ZRANB3: variants seen among roughly 807,000 people sequenced by gnomAD.
ZRANB3 encodes DNA annealing helicase and endonuclease ZRANB3.
A neutral mutation model predicts 133.8 loss-of-function variants in ZRANB3; 125 were observed. The observed-to-expected ratio is 0.93, with a 90% confidence interval of 0.81 to 1.08. ZRANB3 has a LOEUF of 1.08. Among genes scored for constraint, ZRANB3 ranks in the 50% least tolerant of loss-of-function variants. ZRANB3 has a pLI of 0.00. For missense variants in ZRANB3, 1,229 were observed against 1,275.5 expected (o/e 0.96, Z 0.56); for synonymous variants, 387 against 432.7 (o/e 0.89, Z 1.31).
chr2:135,334,368 C>A lies in ZRANB3; in HGVS notation c.677+11182G>T, dbSNP rs1003794160. Among the ~76,000 whole-genome samples, 4 of 152,198 alleles carry A rather than the reference C, an allele frequency of 2.6e-5. No homozygotes were observed. In the East Asian group the frequency reaches 5.8e-4, roughly 22 times the overall value. On this transcript the variant is annotated intron_variant, in intron 6 of 20. Transcript: ENST00000264159. ...GAGGGTTTCTCAAATCCCTTCCACA[C>A]AAAGCTGACTTTCTAAGTCTCAATG...
At chr2:135,309,171 C>T (rs191664187) in intron 8 of ZRANB3, among the ~76,000 whole-genome samples, 1,974 of 151,856 alleles carry the variant, frequency 0.013, 37 homozygotes, top group African/African-American at 0.045. Flanking sequence ...TTAGTAGAGA[C>T]GGGGTTTCAC....
intron 2 of ZRANB3, among the ~76,000 whole-genome samples, chr2:135,484,934 G>A (rs1489256666): frequency 6.6e-6 from 1 of 151,866 alleles, no homozygotes; most frequent in Non-Finnish European, 1.5e-5. Flanking sequence ...TACTCGGGAG[G>A]TAGAGGTGGG....
At chr2:135,203,015 T>C (rs992738669) in intron 19 of ZRANB3, 52 bp from the exon 20 acceptor site, 2 of 1,582,170 alleles carry the variant, frequency 1.3e-6, no homozygotes, top group African/African-American at 2.7e-5. Context: ...GCAAGAAGTG[T>C]TTGTTGGTTT....
chr2:135,231,804 A>C (rs188227735), intron 12 of ZRANB3, among the ~76,000 whole-genome samples: 163 of 152,064 alleles, frequency 1.1e-3, no homozygotes, highest in African/African-American at 3.7e-3. Context: ...AACACACACA[A>C]AAAAACGGGG....
intron 2 of ZRANB3, among the ~76,000 whole-genome samples, chr2:135,419,660 C>T (rs1688748635): frequency 6.6e-6 from 1 of 150,990 alleles, no homozygotes; most frequent in Non-Finnish European, 1.5e-5. Flanking sequence ...AGGATGGCAC[C>T]AGTCTAAAGA....
intron 2 of ZRANB3, among the ~76,000 whole-genome samples, chr2:135,442,926 C>T (rs527476832): frequency 1.3e-5 from 2 of 152,066 alleles, no homozygotes; most frequent in East Asian, 3.9e-4. Context: ...ACCATCCTAG[C>T]TAACATGGTG....
chr2:135,240,834 C>A (rs1271763323), intron 12 of ZRANB3, among the ~76,000 whole-genome samples: 1 of 152,188 alleles, frequency 6.6e-6, no homozygotes. Context: ...CCTGTCTTGG[C>A]CCCCCAAAGT....
chr2:135,271,665 C>A, intron 10 of ZRANB3, 103 bp downstream of exon 10: 1 of 1,311,240 alleles, frequency 7.6e-7, no homozygotes, highest in Non-Finnish European at 1.0e-6. Flanking sequence ...TACAAGGCAT[C>A]CAGATACAAA....
chr2:135,460,709 C>T (rs1690725809), intron 2 of ZRANB3, among the ~76,000 whole-genome samples: 1 of 152,108 alleles, frequency 6.6e-6, no homozygotes, highest in Non-Finnish European at 1.5e-5. Flanking sequence ...GTATCTAAGG[C>T]AATTTTCGTA....
intron 2 of ZRANB3, among the ~76,000 whole-genome samples, chr2:135,491,758 G>A (rs192764275): frequency 1.0e-3 from 157 of 151,898 alleles, no homozygotes; most frequent in African/African-American, 3.2e-3. Flanking sequence ...CTTGTGATCT[G>A]CCCGCCTCAG....
rs572000881 is a variant in ZRANB3, at chr2:135,331,024, C to T, written c.677+14526G>A. On this transcript the variant is annotated intron_variant, in intron 6 of 20. Transcript: ENST00000264159. ...TCCTGGATTCATTGATTTTTTGAAT[C>T]ATTGATTTTGGTTTTTTGTGTCTCT... Among the ~76,000 whole-genome samples, 7 of 151,208 alleles carry T rather than the reference C, an allele frequency of 4.6e-5. No homozygotes were observed. In the South Asian group the frequency reaches 1.5e-3, roughly 31 times the overall value.
chr2:135,422,337 T>C (rs972280815), intron 2 of ZRANB3, among the ~76,000 whole-genome samples: 7 of 152,190 alleles, frequency 4.6e-5, no homozygotes. Flanking sequence ...ATGAATGATA[T>C]ATCTTGCCAA....
chr2:135,425,261 G>A (rs1689017496), intron 2 of ZRANB3, among the ~76,000 whole-genome samples: 1 of 152,054 alleles, frequency 6.6e-6, no homozygotes, highest in East Asian at 1.9e-4. Context: ...CAAAACAATA[G>A]CTACGCAGCA....
intron 2 of ZRANB3, among the ~76,000 whole-genome samples, chr2:135,499,847 C>T (rs183839856): frequency 9.9e-5 from 15 of 152,194 alleles, no homozygotes; most frequent in Admixed American, 7.8e-4. Context: ...GAAGTTCAAA[C>T]CCCCAGTACC....
At chr2:135,231,395 T>A (rs964921822) in intron 12 of ZRANB3, among the ~76,000 whole-genome samples, 1 of 152,168 alleles carries the variant, frequency 6.6e-6, no homozygotes, top group African/African-American at 2.4e-5. Context: ...AAAAAATGCT[T>A]TCACACCTAA....
chr2:135,500,918 G>A (rs1040461190), intron 2 of ZRANB3, among the ~76,000 whole-genome samples: 3 of 152,026 alleles, frequency 2.0e-5, no homozygotes, highest in African/African-American at 4.8e-5. Context: ...ATAGGATGAA[G>A]TAAAAAGGTC....
At chr2:135,525,619 G>A (rs1463684660) in intron 1 of ZRANB3, among the ~76,000 whole-genome samples, 4 of 152,228 alleles carry the variant, frequency 2.6e-5, no homozygotes, top group East Asian at 1.9e-4. Flanking sequence ...AGGCTGAGGC[G>A]GGCGGATCAC....
intron 2 of ZRANB3, among the ~76,000 whole-genome samples, chr2:135,441,640 T>C (rs1171696177): frequency 2.0e-5 from 3 of 152,056 alleles, no homozygotes; most frequent in Admixed American, 1.3e-4. Flanking sequence ...ACTTGTATAA[T>C]ACAATACCAC....
At chr2:135,509,789 G>A (rs1196745506) in intron 1 of ZRANB3, among the ~76,000 whole-genome samples, 2 of 152,078 alleles carry the variant, frequency 1.3e-5, no homozygotes, top group Non-Finnish European at 2.9e-5. Flanking sequence ...GAATTGTTTT[G>A]TGATCCTATA....
Sources: allele counts gnomAD v4.1 joint callset (sites outside exome capture counted in the v4.1 genomes callset), GRCh38; gene constraint gnomAD v4.1.1; transcripts MANE v1.5; gene names NCBI Gene and HGNC (gene_info 2026-07-23, HGNC 2026-07-21).